The following KMT2C variants were observed in gnomAD, a reference collection of about 807,000 sequenced individuals.
KMT2C encodes the protein lysine methyltransferase 2C, also known as histone-lysine N-methyltransferase 2C.
KMT2C carries 88 observed loss-of-function variants against 507.9 expected under a neutral mutation model. The observed-to-expected ratio is 0.17, with a 90% CI of 0.15 to 0.21. The LOEUF is 0.21. KMT2C is among the 10% of genes least tolerant of loss of function. The pLI is 1.00. For missense variants in KMT2C, 4,954 were observed against 5,957.8 expected, an observed-to-expected ratio of 0.83 and a Z score of 5.55; for synonymous variants, 2,049 against 2,080.8, an observed-to-expected ratio of 0.98 and a Z score of 0.42.
intron 31 of KMT2C, among the ~76,000 whole-genome samples, chr7:152,193,340 G>A (rs1465689185): frequency 6.6e-6 from 1 of 152,100 alleles, no homozygotes; most frequent in Non-Finnish European, 1.5e-5. Flanking sequence ...GGAGAAATTG[G>A]TAGCTAGTTG....
At chr7:152,188,296 C>T (rs2093683127) in intron 31 of KMT2C, among the ~76,000 whole-genome samples, 1 of 151,940 alleles carries the variant, frequency 6.6e-6, no homozygotes, top group South Asian at 2.1e-4. Context: ...TTCTGGAGTC[C>T]AAAAGCCCAG....
At chr7:152,176,077 G>T in intron 38 of KMT2C, 114 bp downstream of exon 38, 1 of 1,125,504 alleles carries the variant, frequency 8.9e-7, no homozygotes, top group Non-Finnish European at 1.3e-6. Flanking sequence ...AGGAGGAATA[G>T]AAAAACTCAG....
chr7:152,141,932 G>A (rs934828293), intron 55 of KMT2C, among the ~76,000 whole-genome samples: 6 of 152,028 alleles, frequency 3.9e-5, no homozygotes, highest in African/African-American at 1.4e-4. Context: ...TGAGGTAAGA[G>A]GATCGCTTGA....
At chr7:152,189,587 T>C (rs2093729231) in intron 31 of KMT2C, among the ~76,000 whole-genome samples, 1 of 152,214 alleles carries the variant, frequency 6.6e-6, no homozygotes, top group South Asian at 2.1e-4. Flanking sequence ...ATTTGAATGT[T>C]ACAACACTAA....
At position 152,162,563 on chromosome 7, in the gene KMT2C, C is replaced by T. The variant is rs1167402234; in HGVS notation, c.11014G>A (p.Ala3672Thr). Reference protein sequence around the residue: ...EPVGPSTPNMAAGQLCTELEN... With the variant: ...EPVGPSTPNMTAGQLCTELEN... ...AATTCTGTACATAGCTGGCCTGCTG[C>T]CATATTGGGAGTGGATGGGCCGACT... Residue 3672 changes from alanine to threonine, a missense_variant, in exon 43 of 59, where the codon GCA becomes ACA. Ala to Thr is a moderately conservative substitution (Grantham distance 58). Around this residue, in one of 29 missense-constraint regions of KMT2C, gnomAD observed 801 missense variants for 751.2 expected, o/e 1.07. Coordinates refer to ENST00000262189, the MANE Select transcript of KMT2C (RefSeq NM_170606.3). 6.2e-7 allele frequency: 1 copy of T among 1,614,082 alleles called. No homozygotes were observed. The highest frequency in any genetic ancestry group is 8.5e-7 in the Non-Finnish European group (1 of 1,180,056).
chr7:152,216,741 A>G (rs968040392), intron 23 of KMT2C, among the ~76,000 whole-genome samples: 1 of 152,224 alleles, frequency 6.6e-6, no homozygotes, highest in African/African-American at 2.4e-5. Context: ...CTAAAAGTTC[A>G]ATTACCCCAA....
chr7:152,325,434 C>T (rs1484574614), intron 3 of KMT2C, among the ~76,000 whole-genome samples: 1 of 151,168 alleles, frequency 6.6e-6, no homozygotes, highest in Admixed American at 6.6e-5. Flanking sequence ...AGGCATGAGC[C>T]ACCGCACCCG....
intron 6 of KMT2C, among the ~76,000 whole-genome samples, chr7:152,307,942 T>C (rs1450205008): frequency 6.6e-6 from 1 of 152,224 alleles, no homozygotes; most frequent in Non-Finnish European, 1.5e-5. Context: ...GTAATACTTT[T>C]CACTGTCACA....
At chr7:152,272,581 C>T (rs1043628297) in intron 7 of KMT2C, among the ~76,000 whole-genome samples, 5 of 152,150 alleles carry the variant, frequency 3.3e-5, no homozygotes, top group African/African-American at 1.2e-4. Context: ...GCATGAAGTT[C>T]TTCTCTTCCA....
At position 152,224,182 on chromosome 7, in the gene KMT2C, G is replaced by A. The variant is rs756117443; in HGVS notation, c.3159-3C>T. On this transcript the variant is annotated splice_region_variant and splice_polypyrimidine_tract_variant and intron_variant, in intron 19 of 58. Coordinates refer to ENST00000262189, the MANE Select transcript of KMT2C (RefSeq NM_170606.3). The stretch of plus-strand genomic sequence containing the variant: ...CACAGTGTCTGCACCAAACACACCT[G>A]AAATCCAAATCCCCCCGAAAAGTCT... 41 of 1,596,232 alleles carry A rather than the reference G, an allele frequency of 2.6e-5. No homozygotes were observed. The highest frequency in any genetic ancestry group is 3.2e-5 in the Non-Finnish European group (38 of 1,170,346).
intron 3 of KMT2C, among the ~76,000 whole-genome samples, chr7:152,321,657 T>C (rs1328341114): frequency 6.6e-6 from 1 of 151,952 alleles, no homozygotes; most frequent in East Asian, 1.9e-4. Context: ...ATTAATGTAA[T>C]AATCCCATTT....
At chr7:152,222,190 A>G (rs2094794516) in intron 21 of KMT2C, 124 bp from the exon 22 acceptor site, 1 of 621,808 alleles carries the variant, frequency 1.6e-6, no homozygotes. Flanking sequence ...TTTGAACACT[A>G]AAGTTAAAAG....
chr7:152,205,112 C>T lies in KMT2C; in HGVS notation c.3955G>A (p.Asp1319Asn), dbSNP rs138119145. 1 of 1,610,492 alleles carries T rather than the reference C, an allele frequency of 6.2e-7. No homozygotes were observed. The highest frequency in any genetic ancestry group is 8.5e-7 in the Non-Finnish European group (1 of 1,177,816). Residue 1319 changes from aspartate to asparagine, a missense_variant, in exon 25 of 59, where the codon GAT (aspartate) becomes AAT (asparagine). Asp to Asn is a conservative substitution (Grantham distance 23, BLOSUM62 1). Around this residue, in one of 29 missense-constraint regions of KMT2C, gnomAD observed 176 missense variants for 262.0 expected, o/e 0.67. Coordinates refer to ENST00000262189, the MANE Select transcript of KMT2C (RefSeq NM_170606.3). ...GSISEQLPCR[D>N]DGWSEQLPDT... Reference sequence around the variant, plus strand: ...TTTTAAGTCAGTACTATACCATCATCTCTGCAAGGTAACTGCTCGGAAATA... The same window carrying T: ...TTTTAAGTCAGTACTATACCATCATTTCTGCAAGGTAACTGCTCGGAAATA...
intron 2 of KMT2C, among the ~76,000 whole-genome samples, chr7:152,342,759 A>C (rs2097009549): frequency 1.3e-5 from 2 of 152,336 alleles, no homozygotes; most frequent in South Asian, 2.1e-4. Context: ...TCTCACAGTG[A>C]ACTTCACAGA....
At position 152,176,532 on chromosome 7, in the gene KMT2C, G is replaced by A. The variant is rs2129113211; in HGVS notation, c.8921C>T (p.Thr2974Ile). 6.2e-7 allele frequency: 1 copy of A among 1,614,126 alleles called. No individual in the cohort carries two copies. The highest frequency in any genetic ancestry group is 1.6e-4 in the Middle Eastern group (1 of 6,062). The change falls in exon 38 of 59, where the codon ACA becomes ATA. Residue 2974 changes from threonine (T) to isoleucine (I), a missense_variant. Physicochemically the swap from Thr to Ile is moderately conservative, Grantham distance 89. This residue lies in a region of KMT2C where 1,689 missense variants were observed against 1,654.3 expected (regional missense o/e 1.02). Transcript: ENST00000262189. Reference protein sequence around the residue: ...VLDNAMNSNVTVVSRVNHVFS... With the variant: ...VLDNAMNSNVIVVSRVNHVFS... ...AACATGGTTTACCCTAGAGACTACT[G>A]TCACATTAGAATTCATGGCATTATC... is the stretch of plus-strand genomic sequence containing the variant.
chr7:152,290,254 A>ATGTGTGTG lies in KMT2C; in HGVS notation c.850-16388_850-16387insCACACACA, dbSNP rs1285878646. On this transcript the variant is annotated intron_variant, in intron 6 of 58. Coordinates refer to ENST00000262189, the MANE Select transcript of KMT2C (RefSeq NM_170606.3). The stretch of plus-strand genomic sequence containing the variant: ...TGTGTGTGTGTGTGTGTGTGTGTGT[A>ATGTGTGTG]TGTGTATATATATATATATATATAT... Among the ~76,000 whole-genome samples, 73 of 41,588 alleles carry ATGTGTGTG rather than the reference A, an allele frequency of 1.8e-3. 1 individual carries two copies. The highest frequency in any genetic ancestry group is 5.6e-3 in the African/African-American group (71 of 12,718). The allele number at this position is 41,588 out of a possible 152,430, so 27.3% of individuals were successfully genotyped here.
intron 8 of KMT2C, among the ~76,000 whole-genome samples, chr7:152,263,885 G>C (rs574767964): frequency 6.6e-6 from 1 of 151,298 alleles, no homozygotes; most frequent in African/African-American, 2.4e-5. Context: ...TTAAATTCAA[G>C]AGGAGGGGAA....
At chr7:152,421,584 T>C (rs1359730342) in intron 1 of KMT2C, among the ~76,000 whole-genome samples, 1 of 152,142 alleles carries the variant, frequency 6.6e-6, no homozygotes, top group Non-Finnish European at 1.5e-5. Context: ...AAATGATCCT[T>C]TGCAACAGCA....
chr7:152,315,446 G>T, intron 3 of KMT2C, 108 bp from the exon 4 acceptor site: 1 of 734,772 alleles, frequency 1.4e-6, no homozygotes. Context: ...TAAAGCACAA[G>T]CTAAGCTTTT....
Sources: allele counts gnomAD v4.1 joint callset (sites outside exome capture counted in the v4.1 genomes callset), GRCh38; gene constraint gnomAD v4.1.1; regional missense constraint gnomAD v4.1.1; transcripts MANE v1.5; gene names NCBI Gene and HGNC (gene_info 2026-07-23, HGNC 2026-07-21).